VSTM1: variants seen among roughly 807,000 people sequenced by gnomAD.
VSTM1 encodes V-set and transmembrane domain containing 1, also known as V-set and transmembrane domain-containing protein 1.
In VSTM1, 27 loss-of-function variants were observed where a neutral mutation model predicts 33.1. The observed-to-expected ratio is 0.82, with a 90% CI of 0.60 to 1.12. The LOEUF (loss-of-function observed/expected upper bound fraction) is 1.12. VSTM1 is among the 50% of genes most tolerant of loss of function. VSTM1 has a pLI of 0.00. For missense variants in VSTM1, 304 were observed against 288.9 expected (o/e 1.05, Z -0.38); for synonymous variants, 115 against 110.3 (o/e 1.04, Z -0.27).
intron 4 of VSTM1, among the ~76,000 whole-genome samples, chr19:54,050,886 G>A (rs572950461): frequency 6.6e-6 from 1 of 151,982 alleles, no homozygotes; most frequent in South Asian, 2.1e-4. Context: ...CAGCTATTCG[G>A]GAGGCCGAGG....
Position 54,040,859 on chromosome 19 carries a change from T to C in VSTM1, c.*102A>G. On this transcript the variant is annotated 3_prime_UTR_variant, in exon 9 of 9. Coordinates refer to ENST00000338372, the MANE Select transcript of VSTM1 (RefSeq NM_198481.4). ...AAGACGAGAAACTTAATTTTATTGA[T>C]ATGGACGAAGAGCAAGGAAACACAG... 1.4e-6 allele frequency: 2 copies of C among 1,444,016 alleles called. No homozygotes were observed. Among genetic ancestry groups the C allele is most frequent in the Non-Finnish European group, 1.8e-6 (2 of 1,081,506 alleles). The allele number at this position is 1,444,016 out of a possible 1,614,324, so 89.5% of individuals were successfully genotyped here.
intron 1 of VSTM1, among the ~76,000 whole-genome samples, chr19:54,062,616 C>T (rs1243110441): frequency 1.3e-5 from 2 of 150,460 alleles, no homozygotes; most frequent in Non-Finnish European, 3.0e-5. Flanking sequence ...CCCAGCTTCT[C>T]GGGAGGCGGA....
intron 4 of VSTM1, 119 bp downstream of exon 4, chr19:54,051,291 C>CA: frequency 1.0e-6 from 1 of 993,192 alleles, no homozygotes; most frequent in Non-Finnish European, 1.5e-6. Flanking sequence ...GACTCTATCT[C>CA]AAAAAACAAA....
Position 54,063,811 on chromosome 19 carries a change from T to C in VSTM1, c.-34A>G. 6.2e-7 allele frequency: 1 copy of C among 1,613,168 alleles called. No individual in the cohort carries two copies. Among genetic ancestry groups the C allele is most frequent in the Non-Finnish European group, 8.5e-7 (1 of 1,179,654 alleles). On this transcript the variant is annotated 5_prime_UTR_variant, in exon 1 of 9. Coordinates refer to ENST00000338372, the MANE Select transcript of VSTM1 (RefSeq NM_198481.4). The stretch of plus-strand genomic sequence containing the variant: ...TTCTGCCAGAACCAAGGCCCCGCCT[T>C]GGGTTTTACCCTTCAAAGGCGGAGC...
At chr19:54,061,954 G>A (rs1013196335) in intron 1 of VSTM1, among the ~76,000 whole-genome samples, 5 of 152,264 alleles carry the variant, frequency 3.3e-5, no homozygotes, top group East Asian at 3.9e-4. Context: ...TCAGGAGTTC[G>A]AGGCCAGCCT....
chr19:54,042,810 A>ATATATATATATATG (rs2070366129), intron 4 of VSTM1, among the ~76,000 whole-genome samples: 1 of 36,262 alleles, frequency 2.8e-5, no homozygotes, highest in Non-Finnish European at 6.4e-5. Context: ...AAATGTGTAT[A>ATATATATATATATG]TATATATATA....
At position 54,056,332 on chromosome 19, in the gene VSTM1, G is replaced by A. The variant is rs894526651; in HGVS notation, c.355+1974C>T. 6.3e-5 allele frequency among the ~76,000 whole-genome samples: 8 copies of A among 126,458 alleles called. 1 individual carries two copies. Among genetic ancestry groups the A allele is most frequent in the Admixed American group, 2.7e-4 (3 of 11,236 alleles). The allele number at this position is 126,458 out of a possible 152,430, so 83.0% of individuals were successfully genotyped here. ...TGCCTCTGGGGTTCAAGCAATTCTC[G>A]TGCCTCAGCCTCCCGAGTAGCTGAA... On this transcript the variant is annotated intron_variant, in intron 3 of 8. Coordinates refer to ENST00000338372, the MANE Select transcript of VSTM1 (RefSeq NM_198481.4).
chr19:54,062,675 G>C (rs1189666335), intron 1 of VSTM1, among the ~76,000 whole-genome samples: 1 of 146,896 alleles, frequency 6.8e-6, no homozygotes, highest in Non-Finnish European at 1.5e-5. Flanking sequence ...AGTGAGCTGA[G>C]ATCACACCAC....
Position 54,041,039 on chromosome 19 carries a change from G to T in VSTM1, c.633C>A (p.Thr211=). ...PQGVTYAELS[T]SALSEAASDT... ...CTGAAGCTGCCTCAGACAGGGCGCT[G>T]GTGCTTAGCTCAGCATAGGTCACTC... Residue 211 remains threonine, a synonymous_variant, in exon 9 of 9, where the codon ACC becomes ACA. Coordinates refer to ENST00000338372, the MANE Select transcript of VSTM1 (RefSeq NM_198481.4). 1 of 1,607,264 alleles carries T rather than the reference G, an allele frequency of 6.2e-7. No individual in the cohort carries two copies.
At chr19:54,056,214 C>CTTTTTTTTTTTTTTTTTTTTTTTT (rs869203085) in intron 3 of VSTM1, among the ~76,000 whole-genome samples, 3 of 39,182 alleles carry the variant, frequency 7.7e-5, no homozygotes, top group Non-Finnish European at 9.9e-5. Flanking sequence ...CTTTTCTTTT[C>CTTTTTTTTTTTTTTTTTTTTTTTT]TTTTTTTTTT....
chr19:54,048,798 A>C (rs2070715136), intron 4 of VSTM1, among the ~76,000 whole-genome samples: 1 of 151,914 alleles, frequency 6.6e-6, no homozygotes, highest in Non-Finnish European at 1.5e-5. Flanking sequence ...CAAAAGAAGA[A>C]CGGGGCCAGG....
At chr19:54,053,317 G>C (rs2070943123) in intron 3 of VSTM1, among the ~76,000 whole-genome samples, 1 of 142,042 alleles carries the variant, frequency 7.0e-6, no homozygotes, top group South Asian at 2.3e-4. Context: ...AGGAGACTCA[G>C]GAGCCCTGCT....
At chr19:54,051,572 C>A (rs2070843365) in intron 3 of VSTM1, 124 bp from the exon 4 acceptor site, 1 of 677,692 alleles carries the variant, frequency 1.5e-6, no homozygotes, top group Non-Finnish European at 2.4e-6. Flanking sequence ...AGAATGGCTT[C>A]TCCATTCCCT....
intron 3 of VSTM1, among the ~76,000 whole-genome samples, chr19:54,052,310 A>T (rs2070888507): frequency 6.9e-6 from 1 of 144,308 alleles, no homozygotes; most frequent in African/African-American, 2.6e-5. Context: ...AGGCAGGAGA[A>T]TGGCGTGAAC....
chr19:54,041,206 C>T (rs1281039304), intron 8 of VSTM1, 126 bp from the exon 9 acceptor site: 1 of 946,888 alleles, frequency 1.1e-6, no homozygotes, highest in Admixed American at 3.8e-5. Context: ...CTCGGTCACA[C>T]CAGATGCATT....
At chr19:54,061,434 G>T (rs1239558680) in intron 1 of VSTM1, among the ~76,000 whole-genome samples, 3 of 152,174 alleles carry the variant, frequency 2.0e-5, no homozygotes, top group African/African-American at 7.2e-5. Context: ...AAACTAAGAT[G>T]AGGTCATACT....
intron 1 of VSTM1, 121 bp downstream of exon 1, chr19:54,063,623 C>T (rs540710519): frequency 3.2e-6 from 4 of 1,245,380 alleles, no homozygotes; most frequent in African/African-American, 1.5e-5. Context: ...ACCCACCCAC[C>T]GCAGGTGTGC....
chr19:54,051,441 G>A lies in VSTM1; in HGVS notation c.363C>T (p.His121=), dbSNP rs373982331. The A allele has an allele frequency of 4.0e-5, 63 of 1,593,592 alleles. No individual in the cohort carries two copies. Among genetic ancestry groups the A allele is most frequent in the Non-Finnish European group, 4.9e-5 (58 of 1,174,190 alleles). The change falls in exon 4 of 9, where the codon CAC becomes CAT. Residue 121 remains histidine (H), a synonymous_variant. Transcript: ENST00000338372. ...EHLQLVVTDK[H]DELEAPSMKT... ...TCATTGAGGGAGCTTCAAGTTCATC[G>A]TGTTTATCTAGAAAATAGGAGGGAA...
chr19:54,056,628 C>A lies in VSTM1; in HGVS notation c.355+1678G>T, dbSNP rs192772966. ...CTGGTGCTTCCCCACATACTCCCCC[C>A]AGTATAGCCTTCCTCCTCCTCTTGG... is the stretch of plus-strand genomic sequence containing the variant. On this transcript the variant is annotated intron_variant, in intron 3 of 8. Transcript: ENST00000338372. 1.8e-3 allele frequency among the ~76,000 whole-genome samples: 252 copies of A among 140,550 alleles called. 39 individuals carry two copies. Among genetic ancestry groups the A allele is most frequent in the African/African-American group, 5.7e-3 (218 of 37,990 alleles). 92.2% of individuals were successfully genotyped at this position (140,550 alleles called of 152,430 possible).
Sources: gnomAD v4.1 joint callset for allele counts (sites outside exome capture counted in the v4.1 genomes callset) on GRCh38, gnomAD v4.1.1 for gene constraint, MANE v1.5 for transcripts, NCBI Gene and HGNC (gene_info 2026-07-23, HGNC 2026-07-21) for gene names.